The following IKBKB variants were observed in gnomAD, a reference collection of about 807,000 sequenced individuals.
The protein encoded by IKBKB is inhibitor of nuclear factor kappa B kinase subunit beta, also known as inhibitor of nuclear factor kappa-B kinase subunit beta.
IKBKB carries 42 observed loss-of-function variants against 113.6 expected under a neutral mutation model. That is an observed-to-expected ratio of 0.37 (90% CI 0.29 to 0.48). IKBKB has a LOEUF of 0.48. Among genes scored for constraint, IKBKB ranks in the 20% least tolerant of loss-of-function variants. The probability of loss-of-function intolerance (pLI) is 0.99; values close to 1 mark genes in which losing one functional copy is unlikely to be tolerated. For synonymous variants in IKBKB, 296 were observed against 361.3 expected, an observed-to-expected ratio of 0.82 and a Z score of 2.05; for missense variants, 673 against 939.7, an observed-to-expected ratio of 0.72 and a Z score of 3.71.
At position 42,271,380 on chromosome 8, in the gene IKBKB, G is replaced by C; in HGVS notation, c.-108G>C. 1.3e-6 allele frequency: 2 copies of C among 1,505,304 alleles called. No homozygotes were observed. Among genetic ancestry groups the C allele is most frequent in the Non-Finnish European group, 1.8e-6 (2 of 1,120,184 alleles). The allele number at this position is 1,505,304 out of a possible 1,614,324, so 93.2% of individuals were successfully genotyped here. The stretch of plus-strand genomic sequence containing the variant: ...AGATTCCCGCATTTTAATGTTTTCA[G>C]GGGGGTGTCATAGCCCCGGGTTTGG... On this transcript the variant is annotated 5_prime_UTR_variant, in exon 1 of 22. Transcript: ENST00000520810.
At chr8:42,299,926 C>T (rs960193132) in intron 5 of IKBKB, among the ~76,000 whole-genome samples, 1 of 152,198 alleles carries the variant, frequency 6.6e-6, no homozygotes, top group Non-Finnish European at 1.5e-5. Flanking sequence ...TGATTTCTGT[C>T]TGTGCCTTGG....
intron 15 of IKBKB, 109 bp downstream of exon 15, chr8:42,319,755 G>A: frequency 1.1e-6 from 1 of 940,754 alleles, no homozygotes; most frequent in Non-Finnish European, 1.6e-6. Context: ...AAAATCAGGT[G>A]TTCCTCACCA....
At chr8:42,317,593 C>T in intron 11 of IKBKB, 64 bp from the exon 12 acceptor site, 1 of 1,083,118 alleles carries the variant, frequency 9.2e-7, no homozygotes, top group Non-Finnish European at 1.4e-6. Flanking sequence ...GGAACTTCTT[C>T]ATTATCAGTT....
At chr8:42,325,660 A>G in intron 19 of IKBKB, 2 of 1,088,870 alleles carry the variant, frequency 1.8e-6, no homozygotes, top group Non-Finnish European at 2.2e-6. Context: ...CCCAGGCGAC[A>G]GAGCAAGACT....
intron 3 of IKBKB, 120 bp downstream of exon 3, chr8:42,288,848 C>A: frequency 3.0e-6 from 2 of 658,500 alleles, no homozygotes; most frequent in Non-Finnish European, 5.1e-6. Flanking sequence ...CTTTGGAAGG[C>A]CAAGGCGGGC....
rs756321818 is a variant in IKBKB, at chr8:42,306,411, C to T, written c.546C>T (p.Phe182=). The stretch of plus-strand genomic sequence containing the variant: ...ATCAGGGCAGTCTTTGCACATCATT[C>T]GTGGGGACCCTGCAGTACCTGGTAA... ...ELDQGSLCTS[F]VGTLQYLAPE... is the part of the protein sequence containing the mutation. Residue 182 remains phenylalanine, a synonymous_variant, in exon 7 of 22, where the codon TTC becomes TTT. Coordinates refer to ENST00000520810, the MANE Select transcript of IKBKB (RefSeq NM_001556.3). 16 of 1,612,366 alleles carry T rather than the reference C, an allele frequency of 9.9e-6. No homozygotes were observed. Among genetic ancestry groups the T allele is most frequent in the African/African-American group, 1.3e-5 (1 of 74,872 alleles).
chr8:42,290,149 C>T lies in IKBKB; in HGVS notation c.201-7C>T, dbSNP rs745680522. 3 of 1,609,046 alleles carry T rather than the reference C, an allele frequency of 1.9e-6. No individual in the cohort carries two copies. Among genetic ancestry groups the T allele is most frequent in the Admixed American group, 3.3e-5 (2 of 59,912 alleles). On this transcript the variant is annotated splice_region_variant and splice_polypyrimidine_tract_variant and intron_variant, in intron 3 of 21. Coordinates refer to ENST00000520810, the MANE Select transcript of IKBKB (RefSeq NM_001556.3). Reference sequence around the variant, plus strand: ...GGGTCTGCTCTCATCGGTTTTCCTCCTCCTAGGCTGACCCACCCCAATGTG... The same window carrying T: ...GGGTCTGCTCTCATCGGTTTTCCTCTTCCTAGGCTGACCCACCCCAATGTG...
At chr8:42,330,854 A>G (rs1585847818) in intron 21 of IKBKB, 60 bp from the exon 22 acceptor site, 1 of 1,613,258 alleles carries the variant, frequency 6.2e-7, no homozygotes, top group East Asian at 2.2e-5. Context: ...CCTGAAGAGG[A>G]AAAATAACCT....
chr8:42,296,718 G>GT (rs998503169), intron 5 of IKBKB, among the ~76,000 whole-genome samples: 8 of 151,486 alleles, frequency 5.3e-5, no homozygotes, highest in East Asian at 1.9e-4. Flanking sequence ...TAAGGACCTA[G>GT]TTTTTTTTTA....
chr8:42,306,527 C>A, intron 7 of IKBKB, 95 bp downstream of exon 7: 1 of 799,092 alleles, frequency 1.3e-6, no homozygotes, highest in Non-Finnish European at 2.2e-6. Context: ...ACCTGAGTCC[C>A]ACCGGCTCTC....
intron 19 of IKBKB, 89 bp downstream of exon 19, chr8:42,322,583 A>G: frequency 7.3e-7 from 1 of 1,367,884 alleles, no homozygotes; most frequent in South Asian, 1.3e-5. Flanking sequence ...CACACGGGAC[A>G]CCACAGAGCC....
intron 2 of IKBKB, among the ~76,000 whole-genome samples, chr8:42,288,115 G>A (rs17875673): frequency 0.017 from 2,648 of 152,084 alleles, 62 homozygotes; most frequent in African/African-American, 0.061. Context: ...GGCTGGGTGC[G>A]GTGGCTCACG....
At chr8:42,329,262 T>C in intron 21 of IKBKB, 48 bp downstream of exon 21, 1 of 1,524,212 alleles carries the variant, frequency 6.6e-7, no homozygotes, top group Non-Finnish European at 8.8e-7. Context: ...TTTCTTTCTA[T>C]GGCAAAATAG....
At chr8:42,285,293 C>G (rs1324404200) in intron 2 of IKBKB, among the ~76,000 whole-genome samples, 1 of 152,110 alleles carries the variant, frequency 6.6e-6, no homozygotes, top group Non-Finnish European at 1.5e-5. Flanking sequence ...GGCCTGTAAT[C>G]CCAGTGCTTA....
At position 42,316,121 on chromosome 8, in the gene IKBKB, G is replaced by T; in HGVS notation, c.801-89G>T. On this transcript the variant is annotated intron_variant, in intron 9 of 21. Coordinates refer to ENST00000520810, the MANE Select transcript of IKBKB (RefSeq NM_001556.3). This position sits in a 1 kb window ranked among gnomAD's most constrained non-coding sequence, Gnocchi z 4.5. The stretch of plus-strand genomic sequence containing the variant: ...TTTCATTTTCAATCACCGTCTACTG[G>T]CTGCCGTCTGTGTGTATACTGGGAG... The T allele has an allele frequency of 1.4e-6, 2 of 1,407,738 alleles. No individual in the cohort carries two copies. Among genetic ancestry groups the T allele is most frequent in the Non-Finnish European group, 1.9e-6 (2 of 1,025,640 alleles). 87.2% of individuals were successfully genotyped at this position (1,407,738 alleles called of 1,614,324 possible).
chr8:42,298,925 G>C (rs1467002033), intron 5 of IKBKB, among the ~76,000 whole-genome samples: 1 of 152,136 alleles, frequency 6.6e-6, no homozygotes, highest in African/African-American at 2.4e-5. Context: ...GCATTCGCCT[G>C]TCCGTCCTTC....
At chr8:42,286,879 G>A (rs148371876) in intron 2 of IKBKB, among the ~76,000 whole-genome samples, 5 of 152,330 alleles carry the variant, frequency 3.3e-5, no homozygotes, top group Non-Finnish European at 7.3e-5. Flanking sequence ...GGTGCCCTGT[G>A]CCACCCTGCA....
chr8:42,290,560 G>T (rs760841129), intron 4 of IKBKB, among the ~76,000 whole-genome samples: 3 of 152,200 alleles, frequency 2.0e-5, no homozygotes, highest in South Asian at 2.1e-4. Context: ...AGGTCTGGGC[G>T]TGGGGAAGGA....
intron 9 of IKBKB, among the ~76,000 whole-genome samples, chr8:42,315,891 G>C (rs931653423): frequency 1.3e-5 from 2 of 152,120 alleles, no homozygotes; most frequent in East Asian, 3.9e-4. Flanking sequence ...TCAAACTCCT[G>C]ACCTCAAGTG....
Sources: gnomAD v4.1 joint callset for allele counts (sites outside exome capture counted in the v4.1 genomes callset) on GRCh38, gnomAD v4.1.1 for gene constraint, Gnocchi (gnomAD v3.1) non-coding constraint, MANE v1.5 for transcripts, NCBI Gene and HGNC (gene_info 2026-07-23, HGNC 2026-07-21) for gene names.